Variants in YTHDC2 observed in about 807,000 individuals in gnomAD.
YTHDC2 encodes YTH N6-methyladenosine RNA binding protein C2.
In YTHDC2, 45 loss-of-function variants were observed where a neutral mutation model predicts 174.9. That is an observed-to-expected ratio of 0.26 (90% CI 0.20 to 0.33). The LOEUF is 0.33. Ranked by LOEUF, YTHDC2 falls within the 10% of genes least tolerant of loss-of-function variation. YTHDC2 has a pLI of 1.00. For missense variants in YTHDC2, 1,650 were observed against 1,723.7 expected (o/e 0.96, Z 0.76); for synonymous variants, 657 against 574.5 (o/e 1.14, Z -2.05).
At chr5:113,537,068 A>G (rs985147299) in intron 7 of YTHDC2, among the ~76,000 whole-genome samples, 4 of 152,190 alleles carry the variant, frequency 2.6e-5, no homozygotes, top group African/African-American at 9.7e-5. Flanking sequence ...CCCTGCCAAC[A>G]ATGTTATAAT....
chr5:113,535,711 C>G lies in YTHDC2; in HGVS notation c.1015C>G (p.His339Asp). The change falls in exon 7 of 30, where the codon CAC becomes GAC. Residue 339 changes from histidine to aspartate, a missense_variant. Physicochemically the swap from His to Asp is moderately conservative, Grantham distance 81. Coordinates refer to ENST00000161863, the MANE Select transcript of YTHDC2 (RefSeq NM_022828.5). ...LTKLRDLLQKHPTLKLILSSA... is the reference protein window; with the variant it reads ...LTKLRDLLQKDPTLKLILSSA... Reference sequence around the variant, plus strand: ...AAAGTTAAGAGATTTGTTGCAAAAGCACCCAACTTTGAAACTAATTCTTTC... The same window carrying G: ...AAAGTTAAGAGATTTGTTGCAAAAGGACCCAACTTTGAAACTAATTCTTTC... 1.2e-6 allele frequency: 2 copies of G among 1,613,662 alleles called. No individual in the cohort carries two copies. Among genetic ancestry groups the G allele is most frequent in the Non-Finnish European group, 1.7e-6 (2 of 1,179,786 alleles).
chr5:113,589,928 T>A (rs142257381), intron 26 of YTHDC2, among the ~76,000 whole-genome samples: 133 of 152,310 alleles, frequency 8.7e-4, no homozygotes, highest in African/African-American at 3.0e-3. Context: ...TCTTTCTGTT[T>A]TGTCTTCTTG....
At position 113,523,881 on chromosome 5, in the gene YTHDC2, CTG is replaced by C. The variant is rs558653057; in HGVS notation, c.279-1098_279-1097del. Reference sequence around the variant, plus strand: ...TAAATTTTTCATTGTATTTATGGCTCTGTTGATTATTTCTATAATAGTGACAT... The same window carrying C: ...TAAATTTTTCATTGTATTTATGGCTCTTGATTATTTCTATAATAGTGACAT... On this transcript the variant is annotated intron_variant, in intron 2 of 29. Transcript: ENST00000161863. Among the ~76,000 whole-genome samples the C allele has an allele frequency of 3.0e-3, 460 of 152,092 alleles. 3 individuals carry two copies. The highest frequency in any genetic ancestry group is 0.01 in the African/African-American group (427 of 41,500).
chr5:113,551,929 T>G (rs1374708096), intron 12 of YTHDC2, among the ~76,000 whole-genome samples: 1 of 152,146 alleles, frequency 6.6e-6, no homozygotes, highest in Non-Finnish European at 1.5e-5. Flanking sequence ...TTTTTACATA[T>G]AAGATGAAGA....
intron 26 of YTHDC2, among the ~76,000 whole-genome samples, chr5:113,589,408 A>ATATATATATATATAT (rs1554103528): frequency 8.6e-4 from 106 of 123,206 alleles, no homozygotes; most frequent in African/African-American, 3.2e-3. Flanking sequence ...AAAAAAAAAA[A>ATATATATATATATAT]ATATATATAT....
intron 17 of YTHDC2, 84 bp from the exon 18 acceptor site, chr5:113,560,996 C>T: frequency 1.8e-6 from 2 of 1,141,660 alleles, no homozygotes; most frequent in Non-Finnish European, 2.4e-6. Flanking sequence ...GATCATTTTT[C>T]TCTTTCCTAA....
intron 5 of YTHDC2, 49 bp downstream of exon 5, chr5:113,533,094 C>T: frequency 1.3e-6 from 2 of 1,588,042 alleles, no homozygotes; most frequent in Non-Finnish European, 1.7e-6. Flanking sequence ...TTAAAAAAGA[C>T]TATGTATATT....
intron 5 of YTHDC2, 137 bp from the exon 6 acceptor site, chr5:113,534,168 A>G: frequency 5.5e-6 from 3 of 544,502 alleles, no homozygotes; most frequent in Non-Finnish European, 9.5e-6. Context: ...TCATAGCTTT[A>G]CTAATAAACT....
At position 113,561,080 on chromosome 5, in the gene YTHDC2, G is replaced by A. The variant is rs1337398651; in HGVS notation, c.2217G>A (p.Arg739=). The A allele has an allele frequency of 1.9e-6, 3 of 1,600,992 alleles. No individual in the cohort carries two copies. The highest frequency in any genetic ancestry group is 1.7e-5 in the Admixed American group (1 of 59,356). ...CCTAATCTTGTACTTTATTTTTAAG[G>A]GCAGGGCGATGTAGACCTGGAATTT... ...SKASAIQRKG[R]AGRCRPGICF... is the part of the protein sequence containing the mutation. The change falls in exon 18 of 30, where the codon AGG becomes AGA. Residue 739 remains arginine, a splice_region_variant and synonymous_variant. Transcript: ENST00000161863.
intron 4 of YTHDC2, among the ~76,000 whole-genome samples, chr5:113,532,264 T>C (rs996378679): frequency 2.0e-5 from 3 of 152,194 alleles, no homozygotes; most frequent in African/African-American, 7.2e-5. Flanking sequence ...TATTCTGGGT[T>C]GTGTAAAACT....
intron 23 of YTHDC2, among the ~76,000 whole-genome samples, chr5:113,570,033 C>T (rs1431090271): frequency 2.0e-5 from 3 of 152,122 alleles, no homozygotes; most frequent in Admixed American, 1.3e-4. Context: ...CGTAGTTCTC[C>T]TTGAAGAGGT....
intron 23 of YTHDC2, among the ~76,000 whole-genome samples, chr5:113,571,028 T>C (rs552602312): frequency 6.6e-6 from 1 of 152,230 alleles, no homozygotes; most frequent in South Asian, 2.1e-4. Flanking sequence ...TGAATAAGAG[T>C]GATGAGAGAG....
chr5:113,553,847 GA>G lies in YTHDC2; in HGVS notation c.2050del (p.Ile684Ter). On this transcript the variant is annotated frameshift_variant, in exon 15 of 30. Coordinates refer to ENST00000161863, the MANE Select transcript of YTHDC2 (RefSeq NM_022828.5). LOFTEE classifies it high-confidence loss of function. ...KVLKNPPAGV[R>X]KIILSTNIAE... Reference sequence around the variant, plus strand: ...TTAAAAAACCCACCTGCAGGTGTTCGAAAAATAGTAAGCTTCATAAAATCTT... The same window carrying G: ...TTAAAAAACCCACCTGCAGGTGTTCGAAAATAGTAAGCTTCATAAAATCTT... 1 of 1,600,968 alleles carries G rather than the reference GA, an allele frequency of 6.2e-7. No homozygotes were observed. The highest frequency in any genetic ancestry group is 8.5e-7 in the Non-Finnish European group (1 of 1,177,146).
At chr5:113,582,470 A>G (rs1168462334) in intron 25 of YTHDC2, 3 of 152,210 alleles carry the variant, frequency 2.0e-5, no homozygotes, top group Non-Finnish European at 4.4e-5. Flanking sequence ...ATCATTGGCC[A>G]TGATTCAGAA....
chr5:113,567,427 T>TATATATATATATAAAA (rs138503872), intron 22 of YTHDC2, 130 bp downstream of exon 22: 1 of 372,290 alleles, frequency 2.7e-6, no homozygotes, highest in African/African-American at 2.5e-5. Context: ...TATATATATA[T>TATATATATATATAAAA]CATTAAATAT....
At chr5:113,523,478 C>G (rs1236615783) in intron 2 of YTHDC2, among the ~76,000 whole-genome samples, 1 of 151,998 alleles carries the variant, frequency 6.6e-6, no homozygotes, top group Admixed American at 6.5e-5. Flanking sequence ...CCTTTAGTTT[C>G]AGAAAGGTCC....
In YTHDC2 at chr5:113,579,632, A is replaced by G. The variant is rs1249389311; in HGVS notation, c.3291A>G (p.Lys1097=). 3 of 1,611,222 alleles carry G rather than the reference A, an allele frequency of 1.9e-6. No individual in the cohort carries two copies. In the East Asian group the frequency reaches 6.7e-5, roughly 36 times the overall value. Residue 1097 remains lysine, a synonymous_variant, in exon 24 of 30, where the codon AAA becomes AAG. Transcript: ENST00000161863. ...NDSSDSEMED[K]TTANLAALKL... is the part of the protein sequence containing the mutation. ...GTAGTGATAGTGAAATGGAGGACAA[A>G]ACTACAGCTAATTTGGCAGCCTTGA...
At chr5:113,566,358 C>T (rs1342205941) in intron 21 of YTHDC2, among the ~76,000 whole-genome samples, 2 of 150,070 alleles carry the variant, frequency 1.3e-5, no homozygotes, top group Non-Finnish European at 3.0e-5. Context: ...TTATTTAGTT[C>T]TGTGAAATAG....
In YTHDC2 at chr5:113,591,211, G is replaced by A; in HGVS notation, c.3996G>A (p.Leu1332=). The A allele has an allele frequency of 6.2e-7, 1 of 1,613,832 alleles. No individual in the cohort carries two copies. Among genetic ancestry groups the A allele is most frequent in the Non-Finnish European group, 8.5e-7 (1 of 1,179,850 alleles). The change falls in exon 27 of 30, where the codon TTG becomes TTA. Residue 1332 remains leucine (L), a synonymous_variant. Transcript: ENST00000161863. ...TTTGGGAAAGCAGCATAGTTTACTT[G>A]GTATTTTCTGTTCAAGGATCTGGAC... ...RAFWESSIVY[L]VFSVQGSGHF...
Sources: gnomAD v4.1 joint callset for allele counts (sites outside exome capture counted in the v4.1 genomes callset) on GRCh38, gnomAD v4.1.1 for gene constraint, MANE v1.5 for transcripts, NCBI Gene and HGNC (gene_info 2026-07-23, HGNC 2026-07-21) for gene names.